The following EPB41L2 variants were observed in gnomAD, a reference collection of about 807,000 sequenced individuals.
EPB41L2 encodes band 4.1-like protein 2.
EPB41L2 carries 43 observed loss-of-function variants against 113.0 expected under a neutral mutation model. The observed-to-expected ratio is 0.38, with a 90% CI of 0.30 to 0.49. The LOEUF (loss-of-function observed/expected upper bound fraction) is 0.49, where lower values mean the gene tolerates loss of function less well. EPB41L2 is among the 20% of genes least tolerant of loss of function. The pLI is 0.95. For synonymous variants in EPB41L2, 442 were observed against 436.7 expected, an observed-to-expected ratio of 1.01 and a Z score of -0.15; for missense variants, 1,147 against 1,223.4, an observed-to-expected ratio of 0.94 and a Z score of 0.93.
At chr6:130,976,064 T>A (rs1394152995) in intron 1 of EPB41L2, among the ~76,000 whole-genome samples, 5 of 152,124 alleles carry the variant, frequency 3.3e-5, no homozygotes, top group Non-Finnish European at 5.9e-5. Flanking sequence ...TCTTTTTTTT[T>A]ATTCTGATTG....
In EPB41L2 at chr6:130,858,185, CTT is replaced by C; in HGVS notation, c.2967_2968del (p.Arg990SerfsTer11). The C allele has an allele frequency of 1.2e-6, 2 of 1,614,060 alleles. No homozygotes were observed. Among genetic ancestry groups the C allele is most frequent in the Non-Finnish European group, 1.7e-6 (2 of 1,179,956 alleles). ...CTCTGTTTCTTTGTGTACCACCACT[CTT>C]GTGACCGACATGTCAGGGTGCTGCT... On this transcript the variant is annotated frameshift_variant, in exon 19 of 20. Coordinates refer to ENST00000337057, the MANE Select transcript of EPB41L2 (RefSeq NM_001431.4). LOFTEE classifies it high-confidence loss of function.
At chr6:130,876,044 C>A (rs1787464323) in intron 14 of EPB41L2, among the ~76,000 whole-genome samples, 1 of 151,740 alleles carries the variant, frequency 6.6e-6, no homozygotes, top group Admixed American at 6.6e-5. Context: ...ATTTCCATGT[C>A]TCCTCCACTA....
chr6:130,910,771 A>G (rs1799127966), intron 4 of EPB41L2, among the ~76,000 whole-genome samples: 1 of 152,268 alleles, frequency 6.6e-6, no homozygotes, highest in South Asian at 2.1e-4. Flanking sequence ...ACATATGAAA[A>G]AAAGCTCATC....
At chr6:130,934,424 C>G (rs1259432705) in intron 3 of EPB41L2, among the ~76,000 whole-genome samples, 8 of 152,038 alleles carry the variant, frequency 5.3e-5, no homozygotes, top group African/African-American at 1.9e-4. Flanking sequence ...ATATAATATA[C>G]AAACATATGC....
At chr6:130,858,030 G>A (rs1046280359) in intron 19 of EPB41L2, 101 bp downstream of exon 19, 1 of 920,094 alleles carries the variant, frequency 1.1e-6, no homozygotes, top group Non-Finnish European at 1.8e-6. Context: ...ATGTACTATA[G>A]GAAGAAGACA....
intron 1 of EPB41L2, among the ~76,000 whole-genome samples, chr6:131,055,985 C>A (rs189288487): frequency 6.6e-6 from 1 of 152,270 alleles, no homozygotes; most frequent in African/African-American, 2.4e-5. Context: ...GCAGCTGATG[C>A]GTGACAGCAC....
At chr6:130,996,386 G>A (rs1003430587) in intron 1 of EPB41L2, among the ~76,000 whole-genome samples, 2 of 120,990 alleles carry the variant, frequency 1.7e-5, no homozygotes, top group Non-Finnish European at 3.5e-5. Context: ...TCAGTGAGCT[G>A]GCCCCTCCAG....
intron 1 of EPB41L2, among the ~76,000 whole-genome samples, chr6:130,974,724 T>C (rs1396323653): frequency 1.6e-5 from 2 of 123,930 alleles, no homozygotes; most frequent in South Asian, 3.1e-4. Context: ...TTTCTTTTTT[T>C]TTTTTTTTTT....
At chr6:130,990,656 C>A (rs575820696) in intron 1 of EPB41L2, among the ~76,000 whole-genome samples, 63 of 152,140 alleles carry the variant, frequency 4.1e-4, no homozygotes, top group African/African-American at 1.4e-3. Context: ...AAAGAGATAA[C>A]CCTAAACAGC....
intron 3 of EPB41L2, among the ~76,000 whole-genome samples, chr6:130,945,805 A>G (rs981083344): frequency 4.6e-5 from 7 of 152,134 alleles, no homozygotes; most frequent in African/African-American, 1.4e-4. Context: ...CATGGCTTCA[A>G]CTAAACCTTA....
rs377557388 is a variant in EPB41L2 at position 130,867,517 on chromosome 6, G to A, written c.2672C>T (p.Thr891Ile). Reference protein sequence around the residue: ...SDASQRTEISTKEVPIVQTET... With the variant: ...SDASQRTEISIKEVPIVQTET... ...AGTTTGGACAATGGGGACTTCCTTG[G>A]TGGAGATTTCTGTCCTTTGTGAGGC... is the stretch of plus-strand genomic sequence containing the variant. Residue 891 changes from threonine (T) to isoleucine (I), a missense_variant, in exon 16 of 20, where the codon ACC becomes ATC. Physicochemically the swap from Thr to Ile is moderately conservative, Grantham distance 89 (BLOSUM62 -1). Transcript: ENST00000337057. 1.2e-6 allele frequency: 2 copies of A among 1,613,852 alleles called. No homozygotes were observed. Among genetic ancestry groups the A allele is most frequent in the African/African-American group, 1.3e-5 (1 of 74,910 alleles).
intron 1 of EPB41L2, among the ~76,000 whole-genome samples, chr6:131,015,093 T>C (rs1467759114): frequency 6.6e-6 from 1 of 152,192 alleles, no homozygotes; most frequent in Non-Finnish European, 1.5e-5. Context: ...CATTCCCTGC[T>C]TGCCTTAAGA....
intron 1 of EPB41L2, among the ~76,000 whole-genome samples, chr6:131,017,286 A>G (rs891814334): frequency 2.0e-5 from 3 of 152,316 alleles, no homozygotes; most frequent in Admixed American, 2.0e-4. Context: ...CAGCAAGTAA[A>G]ACCTTGTTGG....
At chr6:130,996,648 T>C (rs1159067955) in intron 1 of EPB41L2, among the ~76,000 whole-genome samples, 2 of 152,330 alleles carry the variant, frequency 1.3e-5, no homozygotes, top group East Asian at 3.9e-4. Context: ...TAAGTTCTAC[T>C]ACCTTAAGAA....
intron 3 of EPB41L2, among the ~76,000 whole-genome samples, chr6:130,953,690 G>A (rs978425744): frequency 2.0e-5 from 3 of 151,918 alleles, no homozygotes; most frequent in South Asian, 2.1e-4. Context: ...AAGAGGTGGC[G>A]TCTTTAGGAA....
chr6:130,917,417 T>G (rs1242146779), intron 4 of EPB41L2, among the ~76,000 whole-genome samples: 1 of 152,166 alleles, frequency 6.6e-6, no homozygotes, highest in Non-Finnish European at 1.5e-5. Context: ...CCTTGATAAC[T>G]AATTACCCTT....
chr6:131,057,607 G>A (rs1797839810), intron 1 of EPB41L2, among the ~76,000 whole-genome samples: 1 of 152,286 alleles, frequency 6.6e-6, no homozygotes, highest in African/African-American at 2.4e-5. Context: ...GTCTGGAAAC[G>A]TAAATACAAG....
rs115490280 is a variant in EPB41L2, at chr6:130,869,606, T to A, written c.2564A>T (p.His855Leu). The A allele has an allele frequency of 6.2e-7, 1 of 1,614,080 alleles. No individual in the cohort carries two copies. ...EPQKVNGEVS[H>L]VDIDVLPQII... ...TTGTGGCAAAACATCAATGTCAACATGGGACACCTCTCCGTTAACTTTCTG... is the reference window on the plus strand; with the variant it reads ...TTGTGGCAAAACATCAATGTCAACAAGGGACACCTCTCCGTTAACTTTCTG... Residue 855 changes from histidine to leucine, a missense_variant, in exon 15 of 20, where the codon CAT (histidine) becomes CTT (leucine). Physicochemically the swap from His to Leu is moderately conservative, Grantham distance 99. Coordinates refer to ENST00000337057, the MANE Select transcript of EPB41L2 (RefSeq NM_001431.4).
chr6:130,946,124 T>C (rs1456417169), intron 3 of EPB41L2, among the ~76,000 whole-genome samples: 1 of 152,198 alleles, frequency 6.6e-6, no homozygotes, highest in Non-Finnish European at 1.5e-5. Flanking sequence ...TATCAATAGA[T>C]GATAAATTAG....
Sources: allele counts gnomAD v4.1 joint callset (sites outside exome capture counted in the v4.1 genomes callset), GRCh38; gene constraint gnomAD v4.1.1; transcripts MANE v1.5; gene names NCBI Gene and HGNC (gene_info 2026-07-23, HGNC 2026-07-21).